RPGRIP1: variants seen among roughly 807,000 people sequenced by gnomAD.
RPGRIP1 encodes X-linked retinitis pigmentosa GTPase regulator-interacting protein 1.
Under a neutral mutation model 157.9 loss-of-function variants are expected in RPGRIP1, and 128 were observed. That is an observed-to-expected ratio of 0.81 (90% CI 0.70 to 0.94). The LOEUF is 0.94. Ranked by LOEUF, RPGRIP1 falls within the 40% of genes least tolerant of loss-of-function variation. RPGRIP1 has a pLI of 0.00. For missense variants in RPGRIP1, 1,486 were observed against 1,545.8 expected, an observed-to-expected ratio of 0.96 and a Z score of 0.65; for synonymous variants, 554 against 571.6, an observed-to-expected ratio of 0.97 and a Z score of 0.44.
intron 24 of RPGRIP1, among the ~76,000 whole-genome samples, chr14:21,349,686 GAGCCA>G (rs1885981985): frequency 6.7e-6 from 1 of 149,368 alleles, no homozygotes; most frequent in Admixed American, 6.7e-5. Context: ...TTACAGGCGT[GAGCCA>G]CCGCGCCCAG....
intron 21 of RPGRIP1, among the ~76,000 whole-genome samples, chr14:21,342,480 G>A (rs1885110789): frequency 6.6e-6 from 1 of 151,020 alleles, no homozygotes; most frequent in Non-Finnish European, 1.5e-5. Flanking sequence ...GGATGTCAAA[G>A]CTGCAGTGAA....
In RPGRIP1 at chr14:21,351,274, T is replaced by C. The variant is rs1886261912; in HGVS notation, c.*58T>C. 4 of 1,036,326 alleles carry C rather than the reference T, an allele frequency of 3.9e-6. No homozygotes were observed. In the Admixed American group the frequency reaches 6.2e-5, roughly 16 times the overall value. The allele number at this position is 1,036,326 out of a possible 1,614,324, so 64.2% of individuals were successfully genotyped here. A position where few individuals can be genotyped will look rare whatever the true frequency, so the allele number is the denominator to read the frequency against. ...TGAGGGAACCATAGTAAAAAGTCTC[T>C]TATAAAGTTAGCTTGCTATAACATG... is the stretch of plus-strand genomic sequence containing the variant. On this transcript the variant is annotated 3_prime_UTR_variant, in exon 25 of 25. Transcript: ENST00000400017.
chr14:21,283,388 C>T (rs1260639968), intron 1 of RPGRIP1, among the ~76,000 whole-genome samples: 1 of 151,718 alleles, frequency 6.6e-6, no homozygotes, highest in Non-Finnish European at 1.5e-5. Flanking sequence ...CTGCAATCTC[C>T]GCCTCCTGTG....
At chr14:21,313,068 TC>T (rs1881606289) in intron 10 of RPGRIP1, among the ~76,000 whole-genome samples, 1 of 151,970 alleles carries the variant, frequency 6.6e-6, no homozygotes, top group African/African-American at 2.4e-5. Context: ...ACTCCTGGGC[TC>T]AAGTCATCTG....
chr14:21,316,945 C>T (rs1330452923), intron 10 of RPGRIP1, among the ~76,000 whole-genome samples: 1 of 151,752 alleles, frequency 6.6e-6, no homozygotes, highest in African/African-American at 2.4e-5. Flanking sequence ...CATTGTAAAA[C>T]CCCGTCTCTA....
chr14:21,325,290 A>G lies in RPGRIP1; in HGVS notation c.2274A>G (p.Ile758Met), dbSNP rs937200139. Reference protein sequence around the residue: ...LEYWMRLRFPIKPSLQACNKR... With the variant: ...LEYWMRLRFPMKPSLQACNKR... ...ACTGGATGAGGCTGCGTTTCCCCAT[A>G]AAACCCAGCCTACAGGCGTGCAATA... is the stretch of plus-strand genomic sequence containing the variant. Residue 758 changes from isoleucine (I) to methionine (M), a missense_variant, in exon 16 of 25, where the codon ATA becomes ATG. Ile to Met is a conservative substitution (Grantham distance 10). Transcript: ENST00000400017. 6.2e-7 allele frequency: 1 copy of G among 1,613,328 alleles called. No homozygotes were observed. The highest frequency in any genetic ancestry group is 1.3e-5 in the African/African-American group (1 of 75,040).
intron 6 of RPGRIP1, among the ~76,000 whole-genome samples, chr14:21,304,677 C>A (rs1031084955): frequency 2.6e-5 from 4 of 152,164 alleles, no homozygotes; most frequent in Non-Finnish European, 5.9e-5. Context: ...CACACAGCCT[C>A]CCCAACTATC....
intron 1 of RPGRIP1, among the ~76,000 whole-genome samples, chr14:21,280,878 C>T (rs1176068291): frequency 2.0e-5 from 3 of 152,120 alleles, no homozygotes; most frequent in African/African-American, 4.8e-5. Context: ...GAAATGTATC[C>T]ACTATCTGCA....
At chr14:21,337,438 CT>C (rs869108147) in intron 21 of RPGRIP1, among the ~76,000 whole-genome samples, 601 of 128,604 alleles carry the variant, frequency 4.7e-3, no homozygotes, top group Non-Finnish European at 4.8e-3. Flanking sequence ...CAATGTTAAG[CT>C]TTTTTTTTTT....
intron 3 of RPGRIP1, among the ~76,000 whole-genome samples, chr14:21,298,941 T>TAA (rs10555165): frequency 9.2e-4 from 76 of 82,286 alleles, no homozygotes; most frequent in African/African-American, 1.2e-3. Context: ...CTCTGTCTCA[T>TAA]AAAAAAAAAA....
Position 21,317,277 on chromosome 14 carries a change from A to G in RPGRIP1, c.1152-419A>G, listed in dbSNP as rs182912882. ...CATAGTAATTTATAATCTAGGTCAA[A>G]GACAAATATTCTCTAAACTCACCGT... On this transcript the variant is annotated intron_variant, in intron 10 of 24. Coordinates refer to ENST00000400017, the MANE Select transcript of RPGRIP1 (RefSeq NM_020366.4). 5.2e-3 allele frequency among the ~76,000 whole-genome samples: 799 copies of G among 152,348 alleles called. 5 individuals are homozygous for G. Among genetic ancestry groups the G allele is most frequent in the Middle Eastern group, 6.8e-3 (2 of 294 alleles).
chr14:21,344,003 C>T (rs1229846954), intron 22 of RPGRIP1, among the ~76,000 whole-genome samples: 4 of 147,596 alleles, frequency 2.7e-5, no homozygotes, highest in Admixed American at 2.1e-4. Context: ...GAATTACAGG[C>T]GTGAGCCACC....
At chr14:21,310,469 ATTTGT>A (rs1360780514) in intron 7 of RPGRIP1, 110 bp from the exon 8 acceptor site, 8 of 615,620 alleles carry the variant, frequency 1.3e-5, no homozygotes, top group East Asian at 3.3e-5. Context: ...ACACAAATTG[ATTTGT>A]TTTGTGGGAT....
Position 21,325,286 on chromosome 14 carries a change from C to T in RPGRIP1, c.2270C>T (p.Pro757Leu), listed in dbSNP as rs1186166215. 1 of 1,613,334 alleles carries T rather than the reference C, an allele frequency of 6.2e-7. No homozygotes were observed. Among genetic ancestry groups the T allele is most frequent in the Non-Finnish European group, 8.5e-7 (1 of 1,179,562 alleles). ...VLEYWMRLRFPIKPSLQACNK... is the reference protein window; with the variant it reads ...VLEYWMRLRFLIKPSLQACNK... ...GAGTACTGGATGAGGCTGCGTTTCC[C>T]CATAAAACCCAGCCTACAGGCGTGC... The change falls in exon 16 of 25, where the codon CCC becomes CTC. Residue 757 changes from proline to leucine, a missense_variant. Pro to Leu is a moderately conservative substitution (Grantham distance 98). Transcript: ENST00000400017.
rs1475166710 is a variant in RPGRIP1 at position 21,300,971 on chromosome 14, G to A, written c.224G>A (p.Arg75Lys). 6.2e-7 allele frequency: 1 copy of A among 1,612,870 alleles called. No individual in the cohort carries two copies. Among genetic ancestry groups the A allele is most frequent in the Non-Finnish European group, 8.5e-7 (1 of 1,179,386 alleles). ...CGTGCTCTATTTGTCCACAGGCTGA[G>A]GACCACCTTGCTGCGGTTGACCGCT... ...WKQQDEIKRL[R>K]TTLLRLTAAG... The change falls in exon 4 of 25, where the codon AGG becomes AAG. Residue 75 changes from arginine (R) to lysine (K), a missense_variant. Transcript: ENST00000400017.
chr14:21,292,743 G>A (rs1184427728), intron 2 of RPGRIP1, among the ~76,000 whole-genome samples: 1 of 152,058 alleles, frequency 6.6e-6, no homozygotes, highest in Non-Finnish European at 1.5e-5. Flanking sequence ...TCGAGAGGCT[G>A]AGACACAAGG....
Position 21,321,900 on chromosome 14 carries a change from A to G in RPGRIP1, c.1658A>G (p.Asp553Gly), listed in dbSNP as rs1882520617. ...ACAAAAGCTGACAATGATAATAGAGATCACAAAGAAAAGCTGGAGAGGTTG... is the reference window on the plus strand; with the variant it reads ...ACAAAAGCTGACAATGATAATAGAGGTCACAAAGAAAAGCTGGAGAGGTTG... ...MMTKADNDNRDHKEKLERLTR... is the reference protein window; with the variant it reads ...MMTKADNDNRGHKEKLERLTR... Residue 553 changes from aspartate (D) to glycine (G), a missense_variant, in exon 14 of 25, where the codon GAT (aspartate) becomes GGT (glycine). Asp to Gly is a moderately conservative substitution (Grantham distance 94). Coordinates refer to ENST00000400017, the MANE Select transcript of RPGRIP1 (RefSeq NM_020366.4). The G allele has an allele frequency of 8.7e-6, 14 of 1,613,670 alleles. No individual in the cohort carries two copies. Among genetic ancestry groups the G allele is most frequent in the Non-Finnish European group, 1.2e-5 (14 of 1,179,672 alleles).
At chr14:21,283,057 G>A (rs1025493396) in intron 1 of RPGRIP1, among the ~76,000 whole-genome samples, 1 of 152,134 alleles carries the variant, frequency 6.6e-6, no homozygotes, top group African/African-American at 2.4e-5. Context: ...CAGTTTTAAT[G>A]ATACTTTTCA....
intron 24 of RPGRIP1, among the ~76,000 whole-genome samples, chr14:21,349,731 C>T (rs1043202337): frequency 6.6e-6 from 1 of 152,166 alleles, no homozygotes; most frequent in Non-Finnish European, 1.5e-5. Flanking sequence ...GTCTTCCTGC[C>T]ACCGGTTTCT....
Sources: gnomAD v4.1 joint callset for allele counts (sites outside exome capture counted in the v4.1 genomes callset) on GRCh38, gnomAD v4.1.1 for gene constraint, MANE v1.5 for transcripts, NCBI Gene and HGNC (gene_info 2026-07-23, HGNC 2026-07-21) for gene names.